NKX2-2: variants seen among roughly 807,000 people sequenced by gnomAD.
The protein encoded by NKX2-2 is NK2 homeobox 2.
In NKX2-2, 8 loss-of-function variants were observed where a neutral mutation model predicts 24.6. The ratio of observed to expected loss-of-function variants is 0.32; its 90% confidence interval spans 0.19 to 0.59. The LOEUF (loss-of-function observed/expected upper bound fraction) is 0.59. Ranked by LOEUF, NKX2-2 falls within the 20% of genes least tolerant of loss-of-function variation. The probability of loss-of-function intolerance (pLI) is 0.86; values close to 1 mark genes in which losing one functional copy is unlikely to be tolerated. For synonymous variants in NKX2-2, 217 were observed against 173.3 expected, an observed-to-expected ratio of 1.25 and a Z score of -1.98; for missense variants, 381 against 373.9, an observed-to-expected ratio of 1.02 and a Z score of -0.16.
At chr20:21,512,534 G>C in intron 1 of NKX2-2, 49 bp from the exon 2 acceptor site, 1 of 1,383,718 alleles carries the variant, frequency 7.2e-7, no homozygotes, top group Non-Finnish European at 9.7e-7. Context: ...GAGGCCGCGC[G>C]CAGCCTGCAC....
chr20:21,516,833 C>T (rs1014457351), upstream of NKX2-2, among the ~76,000 whole-genome samples: 1 of 152,130 alleles, frequency 6.6e-6, no homozygotes, highest in African/African-American at 2.4e-5. Context: ...TGGGGGAGTG[C>T]CCGCAGAGGC....
At chr20:21,522,638 G>T in the NKX2-2 span, among the ~76,000 whole-genome samples, 1 of 151,704 alleles carries the variant, frequency 6.6e-6, no homozygotes, top group Non-Finnish European at 1.5e-5. Flanking sequence ...ATCCCGAGTC[G>T]CGGGCGGCTG....
Position 21,512,397 on chromosome 20 carries a change from C to T in NKX2-2, c.348G>A (p.Lys116=), listed in dbSNP as rs1177365774. 1 of 1,600,350 alleles carries T rather than the reference C, an allele frequency of 6.2e-7. No homozygotes were observed. The highest frequency in any genetic ancestry group is 1.7e-5 in the Admixed American group (1 of 57,770). ...CGTCCCCCCCGCCGCCCGGGGTCTC[C>T]TTGTCATTGTCCGGTGACTCGTCGG... is the stretch of plus-strand genomic sequence containing the variant. ...PSADESPDND[K]ETPGGGGDAG... Residue 116 remains lysine, a synonymous_variant, in exon 2 of 2, where the codon AAG becomes AAA. Transcript: ENST00000377142.
Position 21,511,973 on chromosome 20 carries a change from G to A in NKX2-2, c.772C>T (p.Gln258Ter). The part of the protein sequence containing the change: ...NAQYSSASTP[Q>*]YPTAHPLVQA... ...ACCAGGGGGTGTGCTGTCGGGTACT[G>A]GGGGGTGCTGGCCGAGCTGTACTGG... Residue 258 changes from glutamine (Q) to a stop codon, truncating the protein, a stop_gained, in exon 2 of 2, where the codon CAG (glutamine) becomes TAG (stop). Transcript: ENST00000377142. LOFTEE classifies it high-confidence loss of function. 6.2e-7 allele frequency: 1 copy of A among 1,609,906 alleles called. No individual in the cohort carries two copies. Among genetic ancestry groups the A allele is most frequent in the Non-Finnish European group, 8.5e-7 (1 of 1,178,958 alleles).
intron 1 of NKX2-2, among the ~76,000 whole-genome samples, chr20:21,512,746 T>TGG (rs1178376536): frequency 6.6e-6 from 1 of 150,844 alleles, no homozygotes; most frequent in African/African-American, 2.4e-5. Flanking sequence ...GGTGAGAATT[T>TGG]GGGGGGGGAA....
upstream of NKX2-2, among the ~76,000 whole-genome samples, chr20:21,518,189 C>A (rs991368378): frequency 6.6e-6 from 1 of 152,108 alleles, no homozygotes; most frequent in African/African-American, 2.4e-5. Context: ...ACCCAGCATG[C>A]CCCGGGCCGG....
At chr20:21,517,346 G>T (rs1253648708), upstream of NKX2-2, among the ~76,000 whole-genome samples, 2 of 152,186 alleles carry the variant, frequency 1.3e-5, no homozygotes, top group African/African-American at 2.4e-5. Flanking sequence ...GCTGGGCAGG[G>T]AGGGAGAGAA....
rs1980520377 is a variant in NKX2-2, at chr20:21,513,553, G to C, written c.117C>G (p.Pro39=). The C allele has an allele frequency of 1.2e-6, 2 of 1,613,214 alleles. No individual in the cohort carries two copies. The highest frequency in any genetic ancestry group is 1.3e-5 in the African/African-American group (1 of 75,040). The change falls in exon 1 of 2, where the codon CCC becomes CCG. Residue 39 remains proline, a synonymous_variant. Transcript: ENST00000377142. The surrounding 1 kb of genome is among the most constrained non-coding windows in gnomAD (Gnocchi z 4.6). ...GCGGCCCGGCCCTCTTGGCTGGCTC[G>C]GGCCCCTCGTTCTCTTCCTCCGGAC... ...AEGPEEENEG[P]EPAKRAGPLG... is the part of the protein sequence containing the mutation.
the NKX2-2 span, among the ~76,000 whole-genome samples, chr20:21,519,652 C>T: frequency 2.0e-5 from 3 of 152,218 alleles, no homozygotes; most frequent in African/African-American, 4.8e-5. Flanking sequence ...TCAGCTCTCA[C>T]GTCCTGGATG....
At chr20:21,516,441 C>T (rs891510416), upstream of NKX2-2, among the ~76,000 whole-genome samples, 31 of 151,716 alleles carry the variant, frequency 2.0e-4, no homozygotes, top group South Asian at 6.3e-4. Flanking sequence ...CAGCGCCCCC[C>T]CTCCTCCGCC....
In NKX2-2 at chr20:21,511,438, A is replaced by AT. The variant is rs200218028; in HGVS notation, c.*484dup. The AT allele has an allele frequency of 9.3e-4, 142 of 152,280 alleles. No homozygotes were observed. Among genetic ancestry groups the AT allele is most frequent in the African/African-American group, 2.5e-3 (102 of 41,402 alleles). 9.4% of individuals were successfully genotyped at this position (152,280 alleles called of 1,614,324 possible). Reference sequence around the variant, plus strand: ...GGCCATAAATATTTAGCATTTTCTTATTTTTTTTTAAAAAAAGGAAGAAAT... The same window carrying AT: ...GGCCATAAATATTTAGCATTTTCTTATTTTTTTTTTAAAAAAAGGAAGAAAT... On this transcript the variant is annotated 3_prime_UTR_variant, in exon 2 of 2. Coordinates refer to ENST00000377142, the MANE Select transcript of NKX2-2 (RefSeq NM_002509.4).
At position 21,512,151 on chromosome 20, in the gene NKX2-2, G is replaced by A. The variant is rs1202146634; in HGVS notation, c.594C>T (p.Pro198=). 2 of 1,613,780 alleles carry A rather than the reference G, an allele frequency of 1.2e-6. No homozygotes were observed. The highest frequency in any genetic ancestry group is 1.7e-5 in the Admixed American group (1 of 60,014). Residue 198 remains proline (P), a synonymous_variant, in exon 2 of 2, where the codon CCC becomes CCT. Transcript: ENST00000377142. ...CGGGCACGGCCACCCGGCGCGGCGA[G>A]GGCAGGGGCGTCACCTCCATACCTT... ...AEKGMEVTPL[P]SPRRVAVPVL...
upstream of NKX2-2, among the ~76,000 whole-genome samples, chr20:21,514,998 T>A (rs3787503): frequency 0.23 from 22,891 of 99,768 alleles, 1,786 homozygotes; most frequent in African/African-American, 0.28. Flanking sequence ...CGCCTCCACC[T>A]CTCTGCGGCC....
upstream of NKX2-2, among the ~76,000 whole-genome samples, chr20:21,514,234 G>C (rs1980554371): frequency 6.6e-6 from 1 of 152,096 alleles, no homozygotes; most frequent in Non-Finnish European, 1.5e-5. Context: ...CATTAAAAAC[G>C]CAAAGGTTGG....
Position 21,513,455 on chromosome 20 carries a change from G to C in NKX2-2, c.215C>G (p.Pro72Arg), listed in dbSNP as rs375790419. Residue 72 changes from proline to arginine, a missense_variant, in exon 1 of 2, where the codon CCG becomes CGG. Physicochemically the swap from Pro to Arg is moderately radical, Grantham distance 103 (BLOSUM62 -2). Around this residue, in one of 3 missense-constraint regions of NKX2-2, gnomAD observed 206 missense variants for 173.1 expected, o/e 1.19. Coordinates refer to ENST00000377142, the MANE Select transcript of NKX2-2 (RefSeq NM_002509.4). The surrounding 1 kb of genome is among the most constrained non-coding windows in gnomAD (Gnocchi z 4.6). ...KNPFYDSSDN[P>R]YTRWLASTEG... is the part of the protein sequence containing the mutation. ...GGTGCTGGCCAGCCAGCGCGTGTAC[G>C]GGTTGTCGCTGCTGTCGTAGAAGGG... The C allele has an allele frequency of 6.2e-7, 1 of 1,602,004 alleles. No individual in the cohort carries two copies. Among genetic ancestry groups the C allele is most frequent in the Admixed American group, 1.7e-5 (1 of 58,524 alleles).
At chr20:21,512,506 A>C (rs1448313020) in intron 1 of NKX2-2, 21 bp from the exon 2 acceptor site, 1 of 1,519,638 alleles carries the variant, frequency 6.6e-7, no homozygotes, top group East Asian at 2.3e-5. Flanking sequence ...GGGGAGAGAG[A>C]AGCGCGTCAG....
Position 21,513,893 on chromosome 20 carries a change from G to T in NKX2-2, c.-224C>A. The stretch of plus-strand genomic sequence containing the variant: ...GAAGCCCAACCCAGTGCCTCTCTCT[G>T]TCTTCTTTGAAAGCACGCGGAAATG... On this transcript the variant is annotated 5_prime_UTR_variant, in exon 1 of 2. Coordinates refer to ENST00000377142, the MANE Select transcript of NKX2-2 (RefSeq NM_002509.4). This position sits in a 1 kb window ranked among gnomAD's most constrained non-coding sequence, Gnocchi z 4.6. 2.8e-6 allele frequency: 1 copy of T among 361,878 alleles called. No individual in the cohort carries two copies. The highest frequency in any genetic ancestry group is 4.9e-6 in the Non-Finnish European group (1 of 204,852). The allele number at this position is 361,878 out of a possible 1,614,324, so 22.4% of individuals were successfully genotyped here.
upstream of NKX2-2, among the ~76,000 whole-genome samples, chr20:21,518,672 C>G (rs1980699545): frequency 6.6e-6 from 1 of 152,244 alleles, no homozygotes; most frequent in Admixed American, 6.5e-5. Flanking sequence ...CTCCAGGGCA[C>G]GGGGGCCGCC....
the NKX2-2 span, among the ~76,000 whole-genome samples, chr20:21,522,632 CGAGTCGCGGGCGGCTGCG>C: frequency 9.2e-5 from 14 of 151,904 alleles, no homozygotes; most frequent in South Asian, 2.5e-3. Context: ...CTCTTTATCC[CGAGTCGCGGGCGGCTGCG>C]GAGTCGCGGG....
Sources: allele counts gnomAD v4.1 joint callset (sites outside exome capture counted in the v4.1 genomes callset), GRCh38; gene constraint gnomAD v4.1.1; regional missense constraint gnomAD v4.1.1; non-coding constraint Gnocchi (gnomAD v3.1); transcripts MANE v1.5; gene names NCBI Gene and HGNC (gene_info 2026-07-23, HGNC 2026-07-21).